The following DPP10 variants were observed in gnomAD, a reference collection of about 807,000 sequenced individuals.
The protein encoded by DPP10 is inactive dipeptidyl peptidase 10.
In DPP10, 33 loss-of-function variants were observed where a neutral mutation model predicts 120.9. The observed-to-expected ratio is 0.27, with a 90% CI of 0.21 to 0.37. The LOEUF (loss-of-function observed/expected upper bound fraction) is 0.37, where lower values mean the gene tolerates loss of function less well. DPP10 is among the 10% of genes least tolerant of loss of function. The pLI is 1.00. For missense variants in DPP10, 816 were observed against 942.8 expected (o/e 0.87, Z 1.76); for synonymous variants, 337 against 326.1 (o/e 1.03, Z -0.36).
intron 1 of DPP10, among the ~76,000 whole-genome samples, chr2:115,168,987 T>A (rs566636406): frequency 6.6e-4 from 101 of 152,268 alleles, no homozygotes; most frequent in African/African-American, 1.5e-3. Flanking sequence ...ATAAAAAAAA[T>A]TTTTTTCTAA....
At chr2:115,467,541 C>T (rs975275073) in intron 3 of DPP10, among the ~76,000 whole-genome samples, 2 of 151,716 alleles carry the variant, frequency 1.3e-5, no homozygotes, top group African/African-American at 4.8e-5. Flanking sequence ...CACACCATTG[C>T]ACTCCAGCCT....
intron 1 of DPP10, among the ~76,000 whole-genome samples, chr2:114,788,357 T>C (rs1682940620): frequency 6.6e-6 from 1 of 152,184 alleles, no homozygotes; most frequent in Non-Finnish European, 1.5e-5. Flanking sequence ...ACTAGCCTAG[T>C]AATTTCTTTA....
intron 21 of DPP10, among the ~76,000 whole-genome samples, chr2:115,816,913 C>T (rs1470851443): frequency 6.7e-6 from 1 of 149,622 alleles, no homozygotes; most frequent in East Asian, 2.0e-4. Flanking sequence ...CCGTGCCCAG[C>T]CTATTGAGCT....
chr2:114,906,456 T>C lies in DPP10; in HGVS notation c.61-402783T>C, dbSNP rs565820835. Among the ~76,000 whole-genome samples the C allele has an allele frequency of 2.2e-4, 34 of 152,106 alleles. 2 individuals are homozygous for C. The South Asian group carries it at 7.1e-3, about 32-fold the overall frequency. ...ATTGTTCCTCATCTTATCAGGATAA[T>C]GTATAGTCCTTCACCATTTTTAACG... On this transcript the variant is annotated intron_variant, in intron 1 of 25. Coordinates refer to ENST00000410059, the MANE Select transcript of DPP10 (RefSeq NM_020868.6).
intron 17 of DPP10, 143 bp downstream of exon 17, chr2:115,782,542 T>G (rs542597968): frequency 1.4e-6 from 1 of 710,430 alleles, no homozygotes; most frequent in Admixed American, 2.4e-5. Context: ...TACCATCAAC[T>G]TGACCTTATG....
intron 7 of DPP10, among the ~76,000 whole-genome samples, chr2:115,710,540 G>A (rs930341034): frequency 1.3e-5 from 2 of 151,994 alleles, no homozygotes; most frequent in African/African-American, 4.8e-5. Flanking sequence ...GGTAAATGAG[G>A]TAGTTTATTT....
chr2:115,766,308 G>A (rs867916799), intron 12 of DPP10, among the ~76,000 whole-genome samples: 214 of 62,432 alleles, frequency 3.4e-3, no homozygotes, highest in Middle Eastern at 0.011. Flanking sequence ...GTGTGTGTGT[G>A]TGTATATATA....
chr2:115,593,717 A>G (rs1278685329), intron 5 of DPP10, among the ~76,000 whole-genome samples: 4 of 152,318 alleles, frequency 2.6e-5, no homozygotes, highest in East Asian at 3.9e-4. Flanking sequence ...CTTTTGAAAC[A>G]TAATTTTTCT....
intron 1 of DPP10, chr2:115,161,693 G>A (rs141265455): frequency 5.5e-6 from 2 of 362,904 alleles, no homozygotes; most frequent in Non-Finnish European, 9.8e-6. Flanking sequence ...TCGCCTCGCC[G>A]CCGCGGCTCG....
intron 1 of DPP10, among the ~76,000 whole-genome samples, chr2:115,050,711 G>A (rs748220929): frequency 2.6e-5 from 4 of 152,162 alleles, no homozygotes; most frequent in East Asian, 1.9e-4. Context: ...ACCGAAAAAG[G>A]CATTAATCTC....
At chr2:115,384,512 A>AAGGAAGAAG (rs1237045635) in intron 3 of DPP10, among the ~76,000 whole-genome samples, 1 of 147,902 alleles carries the variant, frequency 6.8e-6, no homozygotes, top group Non-Finnish European at 1.5e-5. Context: ...GAAGAAGAAG[A>AAGGAAGAAG]AGGAAGAAGA....
rs568660445 is a variant in DPP10, at chr2:114,519,675, C to A, written c.60+76837C>A. On this transcript the variant is annotated intron_variant, in intron 1 of 25. Transcript: ENST00000410059. ...ATTAGCCCAGTTCTAAATCCAGTTCCATCTTTCCTCAAACAACAGCAAATG... is the reference window on the plus strand; with the variant it reads ...ATTAGCCCAGTTCTAAATCCAGTTCAATCTTTCCTCAAACAACAGCAAATG... Among the ~76,000 whole-genome samples the A allele has an allele frequency of 2.0e-5, 3 of 152,326 alleles. No individual in the cohort carries two copies. The South Asian group carries it at 6.2e-4, about 32-fold the overall frequency.
At chr2:114,834,700 A>ATCTACACACCTATGTATATATAAGCCATG (rs1687517293) in intron 1 of DPP10, among the ~76,000 whole-genome samples, 1 of 36,940 alleles carries the variant, frequency 2.7e-5, no homozygotes, top group African/African-American at 6.9e-5. Context: ...TATAAGACAT[A>ATCTACACACCTATGTATATATAAGCCATG]TCTACACACC....
At chr2:114,950,319 G>A (rs1485915394) in intron 1 of DPP10, among the ~76,000 whole-genome samples, 68 of 141,768 alleles carry the variant, frequency 4.8e-4, no homozygotes, top group Non-Finnish European at 8.5e-4. Context: ...TTTTTGAGAG[G>A]GAGTCTTGCT....
At chr2:115,514,902 G>A (rs539810495) in intron 4 of DPP10, among the ~76,000 whole-genome samples, 15 of 151,568 alleles carry the variant, frequency 9.9e-5, no homozygotes, top group African/African-American at 3.6e-4. Context: ...AAATATGTTT[G>A]TATATATCTT....
chr2:114,917,324 A>G (rs767973874), intron 1 of DPP10, among the ~76,000 whole-genome samples: 45 of 152,320 alleles, frequency 3.0e-4, no homozygotes, highest in Non-Finnish European at 6.0e-4. Context: ...CAGAGACGAC[A>G]TAAACAAATG....
chr2:115,277,963 G>T (rs1023096449), intron 1 of DPP10, among the ~76,000 whole-genome samples: 3 of 152,132 alleles, frequency 2.0e-5, no homozygotes, highest in East Asian at 1.9e-4. Flanking sequence ...ATGTGGAAAG[G>T]CCTCAATTAG....
chr2:114,652,588 T>G (rs1696673050), intron 1 of DPP10, among the ~76,000 whole-genome samples: 1 of 152,204 alleles, frequency 6.6e-6, no homozygotes, highest in Non-Finnish European at 1.5e-5. Context: ...TATTTCAGCT[T>G]TCTTAGGTTG....
intron 1 of DPP10, among the ~76,000 whole-genome samples, chr2:114,636,060 TC>T (rs1471614572): frequency 6.6e-6 from 1 of 151,998 alleles, no homozygotes; most frequent in Non-Finnish European, 1.5e-5. Flanking sequence ...ATTCACTCAT[TC>T]ATTTTTTTAA....
Sources: allele counts gnomAD v4.1 joint callset (sites outside exome capture counted in the v4.1 genomes callset), GRCh38; gene constraint gnomAD v4.1.1; transcripts MANE v1.5; gene names NCBI Gene and HGNC (gene_info 2026-07-23, HGNC 2026-07-21).